TMEM268: variants seen among roughly 807,000 people sequenced by gnomAD.
TMEM268 encodes the protein transmembrane protein C9orf91.
A neutral mutation model predicts 39.1 loss-of-function variants in TMEM268; 24 were observed. The observed-to-expected ratio is 0.61, with a 90% CI of 0.44 to 0.86. The LOEUF (loss-of-function observed/expected upper bound fraction) is 0.86. Among genes scored for constraint, TMEM268 ranks in the 40% least tolerant of loss-of-function variants. The pLI is 0.00. For missense variants in TMEM268, 409 were observed against 428.6 expected, an observed-to-expected ratio of 0.95 and a Z score of 0.40; for synonymous variants, 176 against 173.5, an observed-to-expected ratio of 1.01 and a Z score of -0.12.
chr9:114,636,350 A>G (rs1352104395), intron 6 of TMEM268, among the ~76,000 whole-genome samples: 1 of 151,978 alleles, frequency 6.6e-6, no homozygotes, highest in East Asian at 1.9e-4. Context: ...ACTCATTTGC[A>G]TGTTCACGCC....
chr9:114,609,632 G>A (rs1377131724), upstream of TMEM268, among the ~76,000 whole-genome samples: 1 of 151,488 alleles, frequency 6.6e-6, no homozygotes, highest in East Asian at 1.9e-4. Flanking sequence ...CGAGGCTGCA[G>A]TGAGCTGTGA....
At chr9:114,607,649 T>C (rs1845384342), upstream of TMEM268, among the ~76,000 whole-genome samples, 1 of 152,096 alleles carries the variant, frequency 6.6e-6, no homozygotes, top group African/African-American at 2.4e-5. Context: ...AGTGAGACCC[T>C]GTCTCAAAAA....
Position 114,611,467 on chromosome 9 carries a change from G to C in TMEM268, c.-176G>C, listed in dbSNP as rs1282252644. 1 of 150,206 alleles carries C rather than the reference G, an allele frequency of 6.7e-6. No homozygotes were observed. The highest frequency in any genetic ancestry group is 1.5e-5 in the Non-Finnish European group (1 of 67,308). The allele number at this position is 150,206 out of a possible 1,614,324, so 9.3% of individuals were successfully genotyped here. A position where few individuals can be genotyped will look rare whatever the true frequency, so the allele number is the denominator to read the frequency against. On this transcript the variant is annotated 5_prime_UTR_variant, in exon 1 of 9. Transcript: ENST00000288502. Reference sequence around the variant, plus strand: ...GCGGCGCGGGAGGCGTGCTGGGCGCGGGGCTGCGGTGCCCAGAGGCTGCGG... The same window carrying C: ...GCGGCGCGGGAGGCGTGCTGGGCGCCGGGCTGCGGTGCCCAGAGGCTGCGG...
intron 2 of TMEM268, chr9:114,622,323 A>G: frequency 1.0e-6 from 1 of 985,374 alleles, no homozygotes; most frequent in Non-Finnish European, 1.2e-6. Context: ...GAATATGCCA[A>G]AATATCCAGT....
intron 2 of TMEM268, among the ~76,000 whole-genome samples, chr9:114,620,967 T>C (rs1458729748): frequency 1.3e-5 from 2 of 152,112 alleles, no homozygotes; most frequent in Admixed American, 6.6e-5. Context: ...AAAATAAATT[T>C]CTTTTTGGCA....
intron 5 of TMEM268, among the ~76,000 whole-genome samples, chr9:114,632,917 A>G (rs534615589): frequency 3.8e-4 from 58 of 152,344 alleles, no homozygotes; most frequent in Admixed American, 3.1e-3. Context: ...GCTAGGAAGC[A>G]GCAGAGCTGG....
intron 8 of TMEM268, among the ~76,000 whole-genome samples, chr9:114,640,376 A>G (rs768584340): frequency 5.3e-5 from 8 of 152,250 alleles, no homozygotes; most frequent in Non-Finnish European, 1.0e-4. Flanking sequence ...GTCACATTTC[A>G]GTAGGAACCT....
At chr9:114,627,407 A>G (rs1013420956) in intron 4 of TMEM268, among the ~76,000 whole-genome samples, 1 of 152,180 alleles carries the variant, frequency 6.6e-6, no homozygotes, top group African/African-American at 2.4e-5. Context: ...GTGTATACAC[A>G]TATGTATATA....
Position 114,644,130 on chromosome 9 carries a change from C to T in TMEM268, c.*817C>T, listed in dbSNP as rs1827474155. The T allele has an allele frequency of 6.6e-6, 1 of 152,340 alleles. No individual in the cohort carries two copies. The highest frequency in any genetic ancestry group is 2.4e-5 in the African/African-American group (1 of 41,438). 9.4% of individuals were successfully genotyped at this position (152,340 alleles called of 1,614,324 possible). On this transcript the variant is annotated 3_prime_UTR_variant, in exon 9 of 9. Transcript: ENST00000288502. ...TCCTGGAATGAAGTGTGATCAGCCA[C>T]TTGTGGAATTCTTTGAAGAGCTCAG...
chr9:114,636,907 C>A, intron 6 of TMEM268, 83 bp from the exon 7 acceptor site: 1 of 823,870 alleles, frequency 1.2e-6, no homozygotes, highest in Non-Finnish European at 2.1e-6. Flanking sequence ...AGACAGCAGG[C>A]TAAATAGGAC....
rs186253284 is a variant in TMEM268 at position 114,618,161 on chromosome 9, G to T, written c.106+860G>T. ...CAAAGTGCTGGGATTACAGGCGTGA[G>T]CCACCACACCTGGCCCCAGATATCT... is the stretch of plus-strand genomic sequence containing the variant. On this transcript the variant is annotated intron_variant, in intron 2 of 8. Coordinates refer to ENST00000288502, the MANE Select transcript of TMEM268 (RefSeq NM_153045.4). 1.8e-4 allele frequency among the ~76,000 whole-genome samples: 28 copies of T among 152,210 alleles called. No homozygotes were observed. In the East Asian group the frequency reaches 5.2e-3, roughly 29 times the overall value.
At chr9:114,612,491 G>C (rs561822759) in intron 1 of TMEM268, among the ~76,000 whole-genome samples, 1 of 152,344 alleles carries the variant, frequency 6.6e-6, no homozygotes, top group East Asian at 1.9e-4. Context: ...GGGCTGAGCT[G>C]GATGGGGAAA....
At chr9:114,618,243 G>A (rs946796693) in intron 2 of TMEM268, among the ~76,000 whole-genome samples, 2 of 152,118 alleles carry the variant, frequency 1.3e-5, no homozygotes, top group Non-Finnish European at 2.9e-5. Context: ...TTTTCCATGG[G>A]GCTTAGTGTG....
intron 2 of TMEM268, among the ~76,000 whole-genome samples, chr9:114,620,115 T>G (rs530375879): frequency 5.9e-5 from 9 of 152,150 alleles, no homozygotes; most frequent in South Asian, 2.1e-4. Context: ...CCCGGGAGGC[T>G]GAGGCAGGAG....
At chr9:114,619,051 A>G (rs1415055689) in intron 2 of TMEM268, among the ~76,000 whole-genome samples, 1 of 152,222 alleles carries the variant, frequency 6.6e-6, no homozygotes, top group Middle Eastern at 3.2e-3. Context: ...GGTTTTTTAG[A>G]GGCTTTGAAA....
rs1827546402 is a variant in TMEM268, at chr9:114,645,697, T to G, written c.*2384T>G. The G allele has an allele frequency of 6.6e-6, 1 of 152,256 alleles. No homozygotes were observed. Among genetic ancestry groups the G allele is most frequent in the Non-Finnish European group, 1.5e-5 (1 of 68,032 alleles). 9.4% of individuals were successfully genotyped at this position (152,256 alleles called of 1,614,324 possible). On this transcript the variant is annotated 3_prime_UTR_variant, in exon 9 of 9. Coordinates refer to ENST00000288502, the MANE Select transcript of TMEM268 (RefSeq NM_153045.4). ...TGTTTGTTAAATGACAAAGCAGCAG[T>G]TTTTCAATTGTAAGGTCTGCTTGAG... is the stretch of plus-strand genomic sequence containing the variant.
At chr9:114,642,288 C>T (rs1000660441) in intron 8 of TMEM268, among the ~76,000 whole-genome samples, 1 of 152,194 alleles carries the variant, frequency 6.6e-6, no homozygotes. Flanking sequence ...TGGAATCATA[C>T]AGTACATGTC....
intron 6 of TMEM268, among the ~76,000 whole-genome samples, chr9:114,636,050 G>A (rs1272847209): frequency 6.6e-6 from 1 of 152,240 alleles, no homozygotes; most frequent in African/African-American, 2.4e-5. Context: ...TGGGAGGAAG[G>A]AGGTCTGGGA....
At chr9:114,639,875 A>G (rs1846816321) in intron 8 of TMEM268, among the ~76,000 whole-genome samples, 1 of 150,338 alleles carries the variant, frequency 6.7e-6, no homozygotes, top group African/African-American at 2.4e-5. Flanking sequence ...ATGAGCCACC[A>G]TGCCCGGCCT....
Sources: gnomAD v4.1 joint callset for allele counts (sites outside exome capture counted in the v4.1 genomes callset) on GRCh38, gnomAD v4.1.1 for gene constraint, MANE v1.5 for transcripts, NCBI Gene and HGNC (gene_info 2026-07-23, HGNC 2026-07-21) for gene names.